PLEK2: variants seen among roughly 807,000 people sequenced by gnomAD.
PLEK2 encodes pleckstrin 2, also known as pleckstrin-2.
PLEK2 carries 29 observed loss-of-function variants against 43.8 expected under a neutral mutation model. That is an observed-to-expected ratio of 0.66 (90% CI 0.49 to 0.90). PLEK2 has a LOEUF of 0.90. Among genes scored for constraint, PLEK2 ranks in the 40% least tolerant of loss-of-function variants. The pLI, the probability that PLEK2 is intolerant of heterozygous loss-of-function variation, is 0.00. For missense variants in PLEK2, 398 were observed against 448.1 expected (o/e 0.89, Z 1.01); for synonymous variants, 162 against 173.2 (o/e 0.94, Z 0.51).
Position 67,395,488 on chromosome 14 carries a change from C to G in PLEK2, c.303G>C (p.Gly101=), listed in dbSNP as rs140692933. 6.2e-6 allele frequency: 10 copies of G among 1,613,948 alleles called. No individual in the cohort carries two copies. In the African/African-American group the frequency reaches 1.3e-4, roughly 22 times the overall value. Residue 101 remains glycine (G), a synonymous_variant, in exon 3 of 9, where the codon GGG becomes GGC. Coordinates refer to ENST00000216446, the MANE Select transcript of PLEK2 (RefSeq NM_016445.3). ...TCCCCGGCTGCCCTGCATGAATAGC[C>G]CCGGTGATCTCAAAGGCCCAGGCAT... The part of the protein sequence containing the change: ...ERDAWAFEIT[G]AIHAGQPGKV...
At position 67,387,234 on chromosome 14, in the gene PLEK2, C is replaced by G. The variant is rs1426847438; in HGVS notation, c.*95G>C. Reference sequence around the variant, plus strand: ...ACTCTCCAAAGCAGTACAAAACTTACAAAGAAGTCAAAAGTCTTAACACTC... The same window carrying G: ...ACTCTCCAAAGCAGTACAAAACTTAGAAAGAAGTCAAAAGTCTTAACACTC... On this transcript the variant is annotated 3_prime_UTR_variant, in exon 9 of 9. Coordinates refer to ENST00000216446, the MANE Select transcript of PLEK2 (RefSeq NM_016445.3). 2 of 1,254,258 alleles carry G rather than the reference C, an allele frequency of 1.6e-6. No homozygotes were observed. The highest frequency in any genetic ancestry group is 2.5e-5 in the Admixed American group (1 of 39,488). 77.7% of individuals were successfully genotyped at this position (1,254,258 alleles called of 1,614,324 possible).
chr14:67,392,912 C>A, intron 4 of PLEK2, 63 bp from the exon 5 acceptor site: 1 of 1,375,600 alleles, frequency 7.3e-7, no homozygotes, highest in Non-Finnish European at 1.0e-6. Flanking sequence ...GGTGTGTGGC[C>A]AATGACCTCA....
chr14:67,399,362 T>C, intron 1 of PLEK2, among the ~76,000 whole-genome samples: 1 of 148,496 alleles, frequency 6.7e-6, no homozygotes, highest in Non-Finnish European at 1.5e-5. Flanking sequence ...TTTAGGTGGT[T>C]CTCAGGTGGC....
At position 67,392,412 on chromosome 14, in the gene PLEK2, T is replaced by C; in HGVS notation, c.685A>G (p.Lys229Glu). The change falls in exon 6 of 9, where the codon AAG becomes GAG. Residue 229 changes from lysine to glutamate, a missense_variant. Transcript: ENST00000216446. ...ALYTFAESYK[K>E]KISPKEEISL... ...ATTTCTTCCTTGGGGCTTATCTTCT[T>C]TTTGTAGCTCTCAGCCTAGGGGGAA... 1.2e-6 allele frequency: 2 copies of C among 1,613,274 alleles called. No individual in the cohort carries two copies. Among genetic ancestry groups the C allele is most frequent in the East Asian group, 2.2e-5 (1 of 44,852 alleles).
intron 1 of PLEK2, among the ~76,000 whole-genome samples, chr14:67,403,431 C>T (rs553005263): frequency 4.6e-5 from 7 of 152,298 alleles, no homozygotes; most frequent in African/African-American, 1.7e-4. Flanking sequence ...GAAATGACAC[C>T]AACCTAGTAC....
chr14:67,395,468 G>A lies in PLEK2; in HGVS notation c.323C>T (p.Pro108Leu), dbSNP rs759159908. ...EITGAIHAGQ[P>L]GKVQQLHSLR... ...GCTGTGCAGCTGCTGGACCTTCCCC[G>A]GCTGCCCTGCATGAATAGCCCCGGT... The change falls in exon 3 of 9, where the codon CCG (proline) becomes CTG (leucine). Residue 108 changes from proline (P) to leucine (L), a missense_variant. Physicochemically the swap from Pro to Leu is moderately conservative, Grantham distance 98. Coordinates refer to ENST00000216446, the MANE Select transcript of PLEK2 (RefSeq NM_016445.3). 30 of 1,613,904 alleles carry A rather than the reference G, an allele frequency of 1.9e-5. No individual in the cohort carries two copies. The highest frequency in any genetic ancestry group is 1.3e-4 in the East Asian group (6 of 44,878).
chr14:67,405,100 G>A (rs1436433075), intron 1 of PLEK2, among the ~76,000 whole-genome samples: 1 of 150,328 alleles, frequency 6.7e-6, no homozygotes, highest in Non-Finnish European at 1.5e-5. Context: ...AGGTGTGGTG[G>A]CAGGCGCCTG....
intron 1 of PLEK2, among the ~76,000 whole-genome samples, chr14:67,398,738 T>G (rs1157540441): frequency 6.6e-6 from 1 of 152,118 alleles, no homozygotes; most frequent in Non-Finnish European, 1.5e-5. Flanking sequence ...TAAATTTTTT[T>G]GTAAAGACGA....
At chr14:67,396,534 AT>A (rs2086010843) in intron 2 of PLEK2, among the ~76,000 whole-genome samples, 1 of 152,084 alleles carries the variant, frequency 6.6e-6, no homozygotes, top group East Asian at 1.9e-4. Context: ...CCAAACTCCT[AT>A]CACTCCTTTG....
At chr14:67,405,224 C>CAAAAAA (rs770594121) in intron 1 of PLEK2, among the ~76,000 whole-genome samples, 20 of 40,248 alleles carry the variant, frequency 5.0e-4, no homozygotes, top group Non-Finnish European at 6.5e-4. Context: ...GAGTCCATCT[C>CAAAAAA]AAAAAAAAAA....
intron 6 of PLEK2, among the ~76,000 whole-genome samples, chr14:67,391,294 TG>T (rs1345763738): frequency 2.0e-5 from 3 of 151,326 alleles, no homozygotes; most frequent in African/African-American, 7.3e-5. Flanking sequence ...TGTGTGTGTG[TG>T]TGTGTGTGTG....
intron 1 of PLEK2, among the ~76,000 whole-genome samples, chr14:67,406,615 C>T (rs2086081197): frequency 1.3e-5 from 2 of 152,174 alleles, no homozygotes; most frequent in Admixed American, 6.5e-5. Flanking sequence ...AGCAGAAAGA[C>T]AGCAAGCTTA....
rs2086117656 is a variant in PLEK2 at position 67,411,915 on chromosome 14, A to G, written c.42+103T>C. ...CCCACCATGGGGGTTGGGGATGGGA[A>G]CCAGAGCATGCCCGTTCCGGGGCGC... is the stretch of plus-strand genomic sequence containing the variant. On this transcript the variant is annotated intron_variant, in intron 1 of 8. Transcript: ENST00000216446. The G allele has an allele frequency of 2.7e-6, 3 of 1,091,346 alleles. No individual in the cohort carries two copies. The Admixed American group carries it at 7.7e-5, about 28-fold the overall frequency. 67.6% of individuals were successfully genotyped at this position (1,091,346 alleles called of 1,614,324 possible).
At chr14:67,398,933 T>C (rs2086029119) in intron 1 of PLEK2, among the ~76,000 whole-genome samples, 2 of 152,268 alleles carry the variant, frequency 1.3e-5, no homozygotes. Context: ...TTAATGACGA[T>C]TATGTGGATA....
At chr14:67,411,465 C>T (rs901171309) in intron 1 of PLEK2, among the ~76,000 whole-genome samples, 1 of 152,118 alleles carries the variant, frequency 6.6e-6, no homozygotes, top group Non-Finnish European at 1.5e-5. Context: ...TTGGGTCAAC[C>T]TGAGTGGGTC....
Position 67,396,828 on chromosome 14 carries a change from C to G in PLEK2, c.207+834G>C, listed in dbSNP as rs887396149. 5.9e-5 allele frequency among the ~76,000 whole-genome samples: 9 copies of G among 152,386 alleles called. 1 individual carries two copies. Among genetic ancestry groups the G allele is most frequent in the Middle Eastern group, 3.4e-3 (1 of 294 alleles). On this transcript the variant is annotated intron_variant, in intron 2 of 8. Coordinates refer to ENST00000216446, the MANE Select transcript of PLEK2 (RefSeq NM_016445.3). Reference sequence around the variant, plus strand: ...TTTTTCAATTAACCACTTGCTTTCCCAATAAAATCAGCAACTCTATGAAGA... The same window carrying G: ...TTTTTCAATTAACCACTTGCTTTCCGAATAAAATCAGCAACTCTATGAAGA...
At chr14:67,411,759 G>A (rs2086116478) in intron 1 of PLEK2, among the ~76,000 whole-genome samples, 1 of 152,218 alleles carries the variant, frequency 6.6e-6, no homozygotes, top group African/African-American at 2.4e-5. Context: ...ACACGCTTCA[G>A]TACCCCTGCC....
chr14:67,400,775 A>G (rs2086042848), intron 1 of PLEK2, among the ~76,000 whole-genome samples: 1 of 151,964 alleles, frequency 6.6e-6, no homozygotes. Flanking sequence ...ATCACTTGAG[A>G]CCAGGAGTTT....
chr14:67,407,476 G>T (rs1181290512), intron 1 of PLEK2, among the ~76,000 whole-genome samples: 4 of 151,298 alleles, frequency 2.6e-5, no homozygotes, highest in African/African-American at 7.3e-5. Context: ...GGTCTCATTT[G>T]GTTGCCGAGG....
Sources: gnomAD v4.1 joint callset for allele counts (sites outside exome capture counted in the v4.1 genomes callset) on GRCh38, gnomAD v4.1.1 for gene constraint, MANE v1.5 for transcripts, NCBI Gene and HGNC (gene_info 2026-07-23, HGNC 2026-07-21) for gene names.